The following KDM2B variants were observed in gnomAD, a reference collection of about 807,000 sequenced individuals.
KDM2B encodes lysine demethylase 2B.
Under a neutral mutation model 150.0 loss-of-function variants are expected in KDM2B, and 26 were observed. The observed-to-expected ratio is 0.17, with a 90% CI of 0.13 to 0.24. The LOEUF (loss-of-function observed/expected upper bound fraction) is 0.24, where lower values mean the gene tolerates loss of function less well. KDM2B is among the 10% of genes least tolerant of loss of function. KDM2B has a pLI of 1.00. For synonymous variants in KDM2B, 734 were observed against 729.5 expected (o/e 1.01, Z -0.10); for missense variants, 1,265 against 1,816.9 (o/e 0.70, Z 5.52).
chr12:121,479,417 A>G (rs1367417166), intron 12 of KDM2B, among the ~76,000 whole-genome samples: 1 of 150,604 alleles, frequency 6.6e-6, no homozygotes, highest in Non-Finnish European at 1.5e-5. Context: ...CAATGAGCCG[A>G]GATCGTGCCA....
At chr12:121,466,002 CA>C (rs1444106620) in intron 12 of KDM2B, among the ~76,000 whole-genome samples, 3 of 152,198 alleles carry the variant, frequency 2.0e-5, no homozygotes, top group Admixed American at 2.0e-4. Flanking sequence ...TCAAAACGCA[CA>C]CGTGCCTGAA....
intron 4 of KDM2B, among the ~76,000 whole-genome samples, chr12:121,558,739 G>A (rs1555313213): frequency 6.6e-6 from 1 of 151,928 alleles, no homozygotes; most frequent in South Asian, 2.1e-4. Flanking sequence ...ACAGGCGTGA[G>A]ACACTGCGCC....
At chr12:121,423,259 C>T in the KDM2B span, 1 of 632,306 alleles carries the variant, frequency 1.6e-6, no homozygotes, top group Non-Finnish European at 2.7e-6. The surrounding 1 kb of genome is among the most constrained non-coding windows in gnomAD (Gnocchi z 4.3). Context: ...ATTTCTTGTA[C>T]AACACTGGGG....
Position 121,476,158 on chromosome 12 carries a change from G to A in KDM2B, c.1734+18421C>T, listed in dbSNP as rs571851004. Among the ~76,000 whole-genome samples the A allele has an allele frequency of 1.8e-4, 27 of 152,140 alleles. No individual in the cohort carries two copies. The South Asian group carries it at 5.6e-3, about 32-fold the overall frequency. On this transcript the variant is annotated intron_variant, in intron 12 of 22. Transcript: ENST00000377071. ...AAAAATACAAAAATTAGCTGGGTAT[G>A]GTGGCAGGCACCTGTAATCCCAGCT...
chr12:121,440,654 T>G (rs1206329065), intron 21 of KDM2B, 162 bp downstream of exon 21: 3 of 678,346 alleles, frequency 4.4e-6, no homozygotes, highest in South Asian at 2.0e-5. Context: ...AGCCCCTGCC[T>G]CCTCCCAGAT....
In KDM2B at chr12:121,430,201, C is replaced by G; in HGVS notation, c.*87G>C. On this transcript the variant is annotated 3_prime_UTR_variant, in exon 23 of 23. Transcript: ENST00000377071. The surrounding 1 kb of genome is among the most constrained non-coding windows in gnomAD (Gnocchi z 4.4). ...AATTGCGTTGTGGTCTGTTGTCCCA[C>G]GTTCCAAATGGAAAATAAAAGCCCT... 6.2e-7 allele frequency: 1 copy of G among 1,614,192 alleles called. No individual in the cohort carries two copies. Among genetic ancestry groups the G allele is most frequent in the South Asian group, 1.1e-5 (1 of 91,086 alleles).
chr12:121,443,613 G>T (rs1875575934), intron 17 of KDM2B, 67 bp downstream of exon 17: 6 of 883,558 alleles, frequency 6.8e-6, no homozygotes, highest in South Asian at 6.5e-5. Flanking sequence ...CCAGCGGGGT[G>T]GGGTGGGGGA....
At position 121,452,908 on chromosome 12, in the gene KDM2B, A is replaced by G. The variant is rs1274942974; in HGVS notation, c.1959+212T>C. Among the ~76,000 whole-genome samples the G allele has an allele frequency of 6.6e-6, 1 of 152,182 alleles. No homozygotes were observed. Among genetic ancestry groups the G allele is most frequent in the Non-Finnish European group, 1.5e-5 (1 of 68,022 alleles). On this transcript the variant is annotated intron_variant, in intron 13 of 22. Coordinates refer to ENST00000377071, the MANE Select transcript of KDM2B (RefSeq NM_032590.5). This position sits in a 1 kb window ranked among gnomAD's most constrained non-coding sequence, Gnocchi z 4.4. ...TGTCATCTTTAATGGCAGCAACTTC[A>G]AAGTACCTGAGCACCCTGGGAGGGA...
intron 12 of KDM2B, among the ~76,000 whole-genome samples, chr12:121,486,829 C>G (rs528304686): frequency 3.9e-5 from 6 of 151,954 alleles, no homozygotes; most frequent in Non-Finnish European, 8.8e-5. Context: ...ATCACAAAGC[C>G]AAGCATGGGG....
At chr12:121,438,039 A>G (rs1164091139) in intron 22 of KDM2B, among the ~76,000 whole-genome samples, 1 of 152,090 alleles carries the variant, frequency 6.6e-6, no homozygotes, top group Non-Finnish European at 1.5e-5. Flanking sequence ...GGATCACCTG[A>G]GGTGAGGAAT....
chr12:121,471,158 A>G (rs559102311), intron 12 of KDM2B, among the ~76,000 whole-genome samples: 287 of 152,342 alleles, frequency 1.9e-3, no homozygotes, highest in South Asian at 2.9e-3. Flanking sequence ...CTTAAAATTT[A>G]GCATGTACAC....
rs373986878 is a variant in KDM2B at position 121,563,462 on chromosome 12, C to T, written c.397+11085G>A. ...TCTCCACTAAAAATACAAAAATTAG[C>T]CGGGCGTGGCGGCGGCTGCCCGTAA... On this transcript the variant is annotated intron_variant, in intron 4 of 22. Coordinates refer to ENST00000377071, the MANE Select transcript of KDM2B (RefSeq NM_032590.5). Among the ~76,000 whole-genome samples, 53 of 151,658 alleles carry T rather than the reference C, an allele frequency of 3.5e-4. No individual in the cohort carries two copies. In the East Asian group the frequency reaches 9.3e-3, roughly 27 times the overall value.
In KDM2B at chr12:121,518,709, A is replaced by G. The variant is rs1296722117; in HGVS notation, c.1047+2276T>C. ...TCCCAGGGGGACGGGGTGGTTGTCC[A>G]GCAAGTAGCCACAGCCTTTAGAAAT... On this transcript the variant is annotated intron_variant, in intron 9 of 22. Transcript: ENST00000377071. This position sits in a 1 kb window ranked among gnomAD's most constrained non-coding sequence, Gnocchi z 4.4. Among the ~76,000 whole-genome samples the G allele has an allele frequency of 2.0e-5, 3 of 152,216 alleles. No individual in the cohort carries two copies. The highest frequency in any genetic ancestry group is 4.4e-5 in the Non-Finnish European group (3 of 68,034).
At chr12:121,546,926 C>A (rs578222059) in intron 6 of KDM2B, among the ~76,000 whole-genome samples, 1 of 151,418 alleles carries the variant, frequency 6.6e-6, no homozygotes, top group Non-Finnish European at 1.5e-5. Context: ...AAACTCCTGA[C>A]CCCAGGTGAT....
Position 121,558,555 on chromosome 12 carries a change from G to C in KDM2B, c.398-8917C>G, listed in dbSNP as rs527495015. Among the ~76,000 whole-genome samples, 382 of 150,926 alleles carry C rather than the reference G, an allele frequency of 2.5e-3. 5 individuals are homozygous for C. Among genetic ancestry groups the C allele is most frequent in the Non-Finnish European group, 5.2e-4 (35 of 67,890 alleles). ...TGCAGCCTCCGCCTCTTGGGTTCAA[G>C]CGATTTTCCTGCCTCAGCCTCCCAA... On this transcript the variant is annotated intron_variant, in intron 4 of 22. Coordinates refer to ENST00000377071, the MANE Select transcript of KDM2B (RefSeq NM_032590.5).
intron 12 of KDM2B, among the ~76,000 whole-genome samples, chr12:121,478,895 T>TGTGTGTGTGTGC: frequency 6.6e-6 from 1 of 151,376 alleles, no homozygotes; most frequent in African/African-American, 2.4e-5. Context: ...TGTGTGTGTG[T>TGTGTGTGTGTGC]TTTGTAGAGA....
At chr12:121,511,577 C>T (rs760813801) in intron 10 of KDM2B, among the ~76,000 whole-genome samples, 161 of 152,320 alleles carry the variant, frequency 1.1e-3, no homozygotes, top group Non-Finnish European at 2.0e-3. Flanking sequence ...TGAGCCATCG[C>T]GCCCGGTGGT....
chr12:121,547,889 C>T (rs1889194121), intron 6 of KDM2B, among the ~76,000 whole-genome samples: 2 of 151,974 alleles, frequency 1.3e-5, no homozygotes, highest in Non-Finnish European at 2.9e-5. Flanking sequence ...GATCTGCCCG[C>T]CTCAGCCTCC....
chr12:121,558,458 T>TC (rs1890067685), intron 4 of KDM2B, among the ~76,000 whole-genome samples: 1 of 149,166 alleles, frequency 6.7e-6, no homozygotes. Context: ...TCTTTTTCTT[T>TC]TTTTTTTTTT....
Sources: allele counts gnomAD v4.1 joint callset (sites outside exome capture counted in the v4.1 genomes callset), GRCh38; gene constraint gnomAD v4.1.1; non-coding constraint Gnocchi (gnomAD v3.1); transcripts MANE v1.5; gene names NCBI Gene and HGNC (gene_info 2026-07-23, HGNC 2026-07-21).